CLSTN3: variants seen among roughly 807,000 people sequenced by gnomAD.
CLSTN3 encodes the protein calsyntenin 3.
CLSTN3 carries 36 observed loss-of-function variants against 95.9 expected under a neutral mutation model. That is an observed-to-expected ratio of 0.38 (90% CI 0.29 to 0.50). The LOEUF (loss-of-function observed/expected upper bound fraction) is 0.50. Ranked by LOEUF, CLSTN3 falls within the 20% of genes least tolerant of loss-of-function variation. The pLI, the probability that CLSTN3 is intolerant of heterozygous loss-of-function variation, is 0.95. For missense variants in CLSTN3, 1,084 were observed against 1,268.8 expected (o/e 0.85, Z 2.21); for synonymous variants, 481 against 504.0 (o/e 0.95, Z 0.61).
At position 7,157,815 on chromosome 12, in the gene CLSTN3, G is replaced by C; in HGVS notation, c.2730+124G>C. The C allele has an allele frequency of 6.7e-7, 1 of 1,494,906 alleles. No homozygotes were observed. Among genetic ancestry groups the C allele is most frequent in the South Asian group, 1.3e-5 (1 of 79,832 alleles). 92.6% of individuals were successfully genotyped at this position (1,494,906 alleles called of 1,614,324 possible). A position where few individuals can be genotyped will look rare whatever the true frequency, so the allele number is the denominator to read the frequency against. On this transcript the variant is annotated intron_variant, in intron 17 of 17. Transcript: ENST00000266546. The surrounding 1 kb of genome is among the most constrained non-coding windows in gnomAD (Gnocchi z 5.9). ...GCAGAGCTGCAGTGAGCCGGAGGGA[G>C]AGAGGTTCAGGCAGGGAAGGGGGTA...
chr12:7,143,565 C>G (rs1277087977), intron 12 of CLSTN3, among the ~76,000 whole-genome samples: 1 of 152,208 alleles, frequency 6.6e-6, no homozygotes, highest in Non-Finnish European at 1.5e-5. Context: ...GGTTTCCGGG[C>G]TTTGATCTTC....
In CLSTN3 at chr12:7,142,171, A is replaced by G. The variant is rs1424366059; in HGVS notation, c.1540+32A>G. The G allele has an allele frequency of 7.7e-6, 12 of 1,556,186 alleles. No individual in the cohort carries two copies. The South Asian group carries it at 1.1e-4, about 15-fold the overall frequency. On this transcript the variant is annotated intron_variant, in intron 10 of 17. Transcript: ENST00000266546. ...CGTGTGTAAGAACTGGAGACCAGAG[A>G]GTTCTCATCTTCACTTTCTGTTCTG...
At chr12:7,156,151 G>A (rs1382617415) in intron 16 of CLSTN3, 5 of 384,066 alleles carry the variant, frequency 1.3e-5, no homozygotes, top group Non-Finnish European at 2.6e-5. Context: ...CCTCAGCAAC[G>A]GGACCGCCCA....
In CLSTN3 at chr12:7,157,776, G is replaced by T. The variant is rs1318528304; in HGVS notation, c.2730+85G>T. On this transcript the variant is annotated intron_variant, in intron 17 of 17. Transcript: ENST00000266546. This position sits in a 1 kb window ranked among gnomAD's most constrained non-coding sequence, Gnocchi z 5.9. ...GGACTCCTGAGGAGGGGCAGGCCTG[G>T]GTGGAGGCTGTTCGCAGAGCTGCAG... is the stretch of plus-strand genomic sequence containing the variant. 1 of 1,503,922 alleles carries T rather than the reference G, an allele frequency of 6.6e-7. No homozygotes were observed. 93.2% of individuals were successfully genotyped at this position (1,503,922 alleles called of 1,614,324 possible).
At chr12:7,154,062 C>G (rs967398052) in intron 16 of CLSTN3, among the ~76,000 whole-genome samples, 1 of 152,216 alleles carries the variant, frequency 6.6e-6, no homozygotes, top group Non-Finnish European at 1.5e-5. Flanking sequence ...TGCTTCTTCT[C>G]TTATTTTGAC....
At chr12:7,144,835 G>C (rs970958518) in intron 12 of CLSTN3, among the ~76,000 whole-genome samples, 6 of 152,206 alleles carry the variant, frequency 3.9e-5, no homozygotes, top group Non-Finnish European at 8.8e-5. Flanking sequence ...GCTGTGGAAG[G>C]CCCCGGGCTG....
rs759941642 is a variant in CLSTN3 at position 7,149,620 on chromosome 12, G to A, written c.2172G>A (p.Leu724=). The A allele has an allele frequency of 4.3e-6, 7 of 1,614,070 alleles. No homozygotes were observed. The East Asian group carries it at 8.9e-5, about 21-fold the overall frequency. ...GDDLDPERES[L]LLDTTSLQQR... is the part of the protein sequence containing the mutation. ...ACCTGGATCCCGAGCGGGAAAGCCT[G>A]CTCCTGGACACAACCTCTCTGCAGC... The change falls in exon 14 of 18, where the codon CTG becomes CTA. Residue 724 remains leucine, a synonymous_variant. Transcript: ENST00000266546. This position sits in a 1 kb window ranked among gnomAD's most constrained non-coding sequence, Gnocchi z 4.5.
At chr12:7,132,902 C>T in intron 1 of CLSTN3, 122 bp from the exon 2 acceptor site, 1 of 1,353,950 alleles carries the variant, frequency 7.4e-7, no homozygotes, top group Non-Finnish European at 1.0e-6. Flanking sequence ...GTAAGGTGCT[C>T]CTATAGGGGG....
chr12:7,136,083 C>G, intron 5 of CLSTN3, 123 bp from the exon 6 acceptor site: 1 of 1,492,312 alleles, frequency 6.7e-7, no homozygotes, highest in African/African-American at 1.4e-5. Context: ...CAGCTATCTA[C>G]TCTAGCCGGG....
At position 7,136,719 on chromosome 12, in the gene CLSTN3, A is replaced by G. The variant is rs556247822; in HGVS notation, c.929-110A>G. ...TTGAAAGGCCATAAAAGGTGGCAAG[A>G]CGTGCTGTAGGAAATCTTTTCCCAT... On this transcript the variant is annotated intron_variant, in intron 6 of 17. Coordinates refer to ENST00000266546, the MANE Select transcript of CLSTN3 (RefSeq NM_014718.4). 1.8e-4 allele frequency: 226 copies of G among 1,248,034 alleles called. No homozygotes were observed. The Middle Eastern group carries it at 4.1e-3, about 23-fold the overall frequency. The allele number at this position is 1,248,034 out of a possible 1,614,324, so 77.3% of individuals were successfully genotyped here.
At chr12:7,146,172 C>T (rs779322563) in intron 12 of CLSTN3, among the ~76,000 whole-genome samples, 1 of 152,124 alleles carries the variant, frequency 6.6e-6, no homozygotes, top group Non-Finnish European at 1.5e-5. Flanking sequence ...TGCTGGGTGC[C>T]GTGGCTCACA....
Position 7,136,223 on chromosome 12 carries a change from G to A in CLSTN3, c.760G>A (p.Glu254Lys), listed in dbSNP as rs2135797861. The A allele has an allele frequency of 1.9e-6, 3 of 1,614,062 alleles. No homozygotes were observed. The highest frequency in any genetic ancestry group is 1.7e-6 in the Non-Finnish European group (2 of 1,179,968). Residue 254 changes from glutamate (E) to lysine (K), a missense_variant, in exon 6 of 18, where the codon GAA (glutamate) becomes AAA (lysine). By Grantham distance (56) the Glu-to-Lys change is moderately conservative. Coordinates refer to ENST00000266546, the MANE Select transcript of CLSTN3 (RefSeq NM_014718.4). Reference sequence around the variant, plus strand: ...CCATGCAGGCTGGAACAAAAGGATCGAATATGCACCAGGTGCTGGGAGCTT... The same window carrying A: ...CCATGCAGGCTGGAACAAAAGGATCAAATATGCACCAGGTGCTGGGAGCTT... ...PSWQGWNKRI[E>K]YAPGAGSLAL...
chr12:7,152,387 C>T (rs1304571740), intron 16 of CLSTN3, among the ~76,000 whole-genome samples: 1 of 152,156 alleles, frequency 6.6e-6, no homozygotes, highest in Admixed American at 6.6e-5. Flanking sequence ...TTGCTTTTGA[C>T]CCTGTTCAGT....
At chr12:7,145,286 T>A (rs1291420990) in intron 12 of CLSTN3, among the ~76,000 whole-genome samples, 1 of 152,160 alleles carries the variant, frequency 6.6e-6, no homozygotes, top group Non-Finnish European at 1.5e-5. Context: ...ATTTCTAAGG[T>A]TACTACATGG....
intron 16 of CLSTN3, among the ~76,000 whole-genome samples, chr12:7,153,229 C>A (rs951715390): frequency 3.9e-5 from 6 of 152,184 alleles, no homozygotes; most frequent in African/African-American, 1.4e-4. Context: ...TCCTAGCTCA[C>A]TGGAGCCTCG....
chr12:7,131,023 A>T, intron 1 of CLSTN3: 1 of 487,244 alleles, frequency 2.1e-6, no homozygotes, highest in South Asian at 2.1e-5. Context: ...GCTGGTGGCT[A>T]CCTCGGGTCT....
chr12:7,131,703 C>T, intron 1 of CLSTN3: 2 of 450,342 alleles, frequency 4.4e-6, no homozygotes, highest in Non-Finnish European at 8.9e-6. Flanking sequence ...CCTGCCCTTC[C>T]ACCGCTCTCT....
At chr12:7,145,171 T>C (rs1053999481) in intron 12 of CLSTN3, among the ~76,000 whole-genome samples, 2 of 152,200 alleles carry the variant, frequency 1.3e-5, no homozygotes, top group Admixed American at 6.5e-5. Flanking sequence ...GCTATCTTTT[T>C]CATGCCCAGG....
At chr12:7,154,884 C>T (rs754741725) in intron 16 of CLSTN3, among the ~76,000 whole-genome samples, 4 of 152,264 alleles carry the variant, frequency 2.6e-5, no homozygotes, top group South Asian at 2.1e-4. Flanking sequence ...TCATAACATG[C>T]GTACTATGAG....
Sources: gnomAD v4.1 joint callset for allele counts (sites outside exome capture counted in the v4.1 genomes callset) on GRCh38, gnomAD v4.1.1 for gene constraint, Gnocchi (gnomAD v3.1) non-coding constraint, MANE v1.5 for transcripts, NCBI Gene and HGNC (gene_info 2026-07-23, HGNC 2026-07-21) for gene names.